AVL9: variants seen among roughly 807,000 people sequenced by gnomAD.
AVL9 encodes the protein AVL9 cell migration associated.
A neutral mutation model predicts 79.2 loss-of-function variants in AVL9; 49 were observed. The observed-to-expected ratio is 0.62, with a 90% CI of 0.49 to 0.79. The LOEUF (loss-of-function observed/expected upper bound fraction) is 0.79, where lower values mean the gene tolerates loss of function less well. AVL9 is among the 30% of genes least tolerant of loss of function. The probability of loss-of-function intolerance (pLI) is 0.00; values close to 1 mark genes in which losing one functional copy is unlikely to be tolerated. For synonymous variants in AVL9, 299 were observed against 280.6 expected, an observed-to-expected ratio of 1.07 and a Z score of -0.65; for missense variants, 682 against 776.8, an observed-to-expected ratio of 0.88 and a Z score of 1.45.
intron 1 of AVL9, among the ~76,000 whole-genome samples, chr7:32,519,346 T>TGAACCTA (rs1024048145): frequency 6.6e-6 from 1 of 151,594 alleles, no homozygotes; most frequent in African/African-American, 2.4e-5. Flanking sequence ...GAGAATCGCT[T>TGAACCTA]GAACCTAGGA....
At chr7:32,569,988 C>T (rs753202933) in intron 10 of AVL9, 32 bp from the exon 11 acceptor site, 1 of 1,609,676 alleles carries the variant, frequency 6.2e-7, no homozygotes, top group African/African-American at 1.3e-5. Flanking sequence ...TTTTACTTTT[C>T]TGATATTTTC....
At chr7:32,508,322 C>A (rs1456202915) in intron 1 of AVL9, among the ~76,000 whole-genome samples, 1 of 152,138 alleles carries the variant, frequency 6.6e-6, no homozygotes, top group African/African-American at 2.4e-5. Flanking sequence ...GTATTACCTT[C>A]TAGATCAGTG....
intron 1 of AVL9, among the ~76,000 whole-genome samples, chr7:32,505,755 CA>C (rs1431042089): frequency 6.6e-6 from 1 of 152,102 alleles, no homozygotes; most frequent in African/African-American, 2.4e-5. Context: ...AAGAGTAACT[CA>C]AACAATAGCT....
intron 13 of AVL9, among the ~76,000 whole-genome samples, chr7:32,576,724 T>C (rs1224190647): frequency 1.3e-5 from 2 of 152,006 alleles, no homozygotes; most frequent in Non-Finnish European, 2.9e-5. Flanking sequence ...AGGTAGAGGT[T>C]GCAGTGAGTC....
chr7:32,502,576 T>C (rs1216649913), intron 1 of AVL9, among the ~76,000 whole-genome samples: 1 of 152,212 alleles, frequency 6.6e-6, no homozygotes, highest in African/African-American at 2.4e-5. Context: ...TTTTAGATAC[T>C]TAGGTGGCAT....
intron 11 of AVL9, among the ~76,000 whole-genome samples, chr7:32,572,880 TGTTC>T (rs1380995285): frequency 6.6e-6 from 1 of 151,906 alleles, no homozygotes; most frequent in African/African-American, 2.4e-5. Context: ...TTGTTAAATG[TGTTC>T]ATTTCTGCTA....
chr7:32,580,601 C>T lies in AVL9; in HGVS notation c.1743-201C>T, dbSNP rs562880617. On this transcript the variant is annotated intron_variant, in intron 14 of 15. Coordinates refer to ENST00000318709, the MANE Select transcript of AVL9 (RefSeq NM_015060.3). ...TTTTGGTTCATCTGTATGTTCTTCT[C>T]GTGTATTCTGAAAATGCACATGCTT... Among the ~76,000 whole-genome samples, 76 of 152,216 alleles carry T rather than the reference C, an allele frequency of 5.0e-4. No individual in the cohort carries two copies. The South Asian group carries it at 0.015, about 30-fold the overall frequency.
chr7:32,495,569 G>C lies in AVL9; in HGVS notation c.-141G>C, dbSNP rs1281625598. 4.3e-6 allele frequency: 2 copies of C among 459,936 alleles called. No individual in the cohort carries two copies. The highest frequency in any genetic ancestry group is 7.3e-6 in the Non-Finnish European group (2 of 272,238). The allele number at this position is 459,936 out of a possible 1,614,324, so 28.5% of individuals were successfully genotyped here. On this transcript the variant is annotated 5_prime_UTR_variant, in exon 1 of 16. Transcript: ENST00000318709. ...CCCTGGGGGCGGCGGGAGCTGCTTT[G>C]CCTCCACCGATCTCCCTGTGCGGCC...
chr7:32,559,615 A>G, intron 10 of AVL9, 151 bp downstream of exon 10: 1 of 695,222 alleles, frequency 1.4e-6, no homozygotes, highest in South Asian at 2.8e-5. Flanking sequence ...GTACTGTGGC[A>G]TCCGTGACCA....
chr7:32,511,159 A>G (rs535924817), intron 1 of AVL9, among the ~76,000 whole-genome samples: 1 of 147,742 alleles, frequency 6.8e-6, no homozygotes, highest in African/African-American at 2.5e-5. Flanking sequence ...AGGAGTCCAC[A>G]GTCCTGGCAC....
In AVL9 at chr7:32,495,690, C is replaced by T. The variant is rs538454326; in HGVS notation, c.-20C>T. On this transcript the variant is annotated 5_prime_UTR_variant, in exon 1 of 16. Transcript: ENST00000318709. ...GCCCTTGGCGGTCGAAGTCGTCGTG[C>T]GGGCCCGCGGCGGCCGCCCATGGAG... 2 of 1,252,544 alleles carry T rather than the reference C, an allele frequency of 1.6e-6. No individual in the cohort carries two copies. Among genetic ancestry groups the T allele is most frequent in the South Asian group, 3.6e-5 (1 of 28,032 alleles). 77.6% of individuals were successfully genotyped at this position (1,252,544 alleles called of 1,614,324 possible). A position where few individuals can be genotyped will look rare whatever the true frequency, so the allele number is the denominator to read the frequency against.
intron 1 of AVL9, among the ~76,000 whole-genome samples, chr7:32,541,777 C>T (rs898615688): frequency 5.9e-5 from 9 of 151,514 alleles, no homozygotes; most frequent in Admixed American, 1.3e-4. Flanking sequence ...TGCAGTGGCG[C>T]AATCTCGGCT....
intron 1 of AVL9, among the ~76,000 whole-genome samples, chr7:32,502,697 G>T (rs1475227130): frequency 6.6e-6 from 1 of 152,066 alleles, no homozygotes; most frequent in Non-Finnish European, 1.5e-5. Context: ...GGTGAAGTTT[G>T]TATTAAAATG....
intron 10 of AVL9, among the ~76,000 whole-genome samples, chr7:32,564,423 C>A (rs569431649): frequency 2.6e-5 from 4 of 152,198 alleles, no homozygotes; most frequent in African/African-American, 7.2e-5. Context: ...ATCTTAAAAT[C>A]CTTGTACAGA....
chr7:32,569,398 T>C (rs1478055803), intron 10 of AVL9, among the ~76,000 whole-genome samples: 1 of 152,224 alleles, frequency 6.6e-6, no homozygotes, highest in Non-Finnish European at 1.5e-5. Context: ...CCTGCTGCAG[T>C]TTAGCAATTC....
chr7:32,540,501 GC>G (rs1184549712), intron 1 of AVL9, among the ~76,000 whole-genome samples: 9 of 152,126 alleles, frequency 5.9e-5, no homozygotes, highest in African/African-American at 2.2e-4. Context: ...TTGAGCAGTT[GC>G]CTTATTTTGG....
At chr7:32,505,123 C>T (rs1787349283) in intron 1 of AVL9, among the ~76,000 whole-genome samples, 1 of 151,420 alleles carries the variant, frequency 6.6e-6, no homozygotes, top group Non-Finnish European at 1.5e-5. Context: ...ATCTGCCAAC[C>T]TTGGCTTCCC....
intron 1 of AVL9, among the ~76,000 whole-genome samples, chr7:32,525,725 A>G (rs1408776682): frequency 6.6e-6 from 1 of 152,192 alleles, no homozygotes; most frequent in Admixed American, 6.5e-5. Context: ...GCCCTGACAC[A>G]CAAATAATCT....
chr7:32,564,393 T>C (rs1790463208), intron 10 of AVL9, among the ~76,000 whole-genome samples: 1 of 152,238 alleles, frequency 6.6e-6, no homozygotes, highest in East Asian at 1.9e-4. Flanking sequence ...GAATTGTCTT[T>C]AGGCTTTTTT....
Sources: allele counts gnomAD v4.1 joint callset (sites outside exome capture counted in the v4.1 genomes callset), GRCh38; gene constraint gnomAD v4.1.1; transcripts MANE v1.5; gene names NCBI Gene and HGNC (gene_info 2026-07-23, HGNC 2026-07-21).